TRHDE: variants seen among roughly 807,000 people sequenced by gnomAD.
TRHDE encodes thyrotropin-releasing hormone-degrading ectoenzyme.
Under a neutral mutation model 125.7 loss-of-function variants are expected in TRHDE, and 72 were observed. The observed-to-expected ratio is 0.57, with a 90% CI of 0.47 to 0.70. The LOEUF (loss-of-function observed/expected upper bound fraction) is 0.70, where lower values mean the gene tolerates loss of function less well. Ranked by LOEUF, TRHDE falls within the 30% of genes least tolerant of loss-of-function variation. The pLI is 0.00. For synonymous variants in TRHDE, 509 were observed against 509.1 expected (o/e 1.00, Z 0.00); for missense variants, 1,110 against 1,327.1 (o/e 0.84, Z 2.54).
At chr12:72,427,960 G>A (rs1350502834) in intron 3 of TRHDE, among the ~76,000 whole-genome samples, 1 of 152,174 alleles carries the variant, frequency 6.6e-6, no homozygotes, top group African/African-American at 2.4e-5. Context: ...CTCCAGAAGT[G>A]TAGTAGGTTT....
chr12:72,098,498 G>C (rs1174082952), intron 1 of TRHDE, among the ~76,000 whole-genome samples: 1 of 151,986 alleles, frequency 6.6e-6, no homozygotes, highest in Admixed American at 6.6e-5. Flanking sequence ...ATGTAACTTT[G>C]CTGTTTCTGT....
At chr12:72,643,524 C>T (rs1356769619) in intron 15 of TRHDE, among the ~76,000 whole-genome samples, 2 of 152,104 alleles carry the variant, frequency 1.3e-5, no homozygotes, top group Non-Finnish European at 2.9e-5. Flanking sequence ...CCTTCAGAGA[C>T]CTTCTTTGCC....
intron 15 of TRHDE, among the ~76,000 whole-genome samples, chr12:72,643,444 A>G (rs565340342): frequency 6.6e-6 from 1 of 152,294 alleles, no homozygotes; most frequent in South Asian, 2.1e-4. Flanking sequence ...CATTCAAAGT[A>G]TGCAGTCTTT....
intron 1 of TRHDE, among the ~76,000 whole-genome samples, chr12:72,274,132 AAGAGTGGTTTCC>A (rs1290218688): frequency 1.4e-4 from 21 of 152,232 alleles, no homozygotes; most frequent in Admixed American, 5.9e-4. Flanking sequence ...TCGGAGTGAA[AAGAGTGGTTTCC>A]AGAGATAGGC....
chr12:72,197,598 A>G (rs1877470399), intron 2 of TRHDE, among the ~76,000 whole-genome samples: 1 of 152,128 alleles, frequency 6.6e-6, no homozygotes, highest in Non-Finnish European at 1.5e-5. Context: ...ACTATGGCCC[A>G]TAAGTTCTGG....
Position 72,469,788 on chromosome 12 carries a change from C to T in TRHDE, c.1346C>T (p.Ala449Val), listed in dbSNP as rs775121425. The T allele has an allele frequency of 2.7e-5, 43 of 1,613,860 alleles. No homozygotes were observed. Among genetic ancestry groups the T allele is most frequent in the Non-Finnish European group, 3.6e-5 (43 of 1,179,942 alleles). ...TTAGCTGTGCCTAAGCATCCGTATG[C>T]TGCTATGGAGAACTGGGGACTAAGT... is the stretch of plus-strand genomic sequence containing the variant. ...DLLAVPKHPY[A>V]AMENWGLSIF... Residue 449 changes from alanine to valine, a missense_variant, in exon 4 of 19, where the codon GCT becomes GTT. Physicochemically the swap from Ala to Val is moderately conservative, Grantham distance 64. This residue lies in a region of TRHDE where 252 missense variants were observed against 274.8 expected (regional missense o/e 0.92). Coordinates refer to ENST00000261180, the MANE Select transcript of TRHDE (RefSeq NM_013381.3).
At chr12:72,608,118 A>G (rs1440243093) in intron 12 of TRHDE, among the ~76,000 whole-genome samples, 1 of 152,088 alleles carries the variant, frequency 6.6e-6, no homozygotes, top group African/African-American at 2.4e-5. Flanking sequence ...GAGATGGGCT[A>G]TCTCTGGGTT....
At chr12:72,283,049 T>C (rs1378883149) in intron 1 of TRHDE, among the ~76,000 whole-genome samples, 1 of 152,208 alleles carries the variant, frequency 6.6e-6, no homozygotes, top group African/African-American at 2.4e-5. Flanking sequence ...ATGTAATTTC[T>C]TCTTACATTT....
At chr12:72,250,190 T>G (rs1878650279) in intron 2 of TRHDE, among the ~76,000 whole-genome samples, 1 of 152,200 alleles carries the variant, frequency 6.6e-6, no homozygotes, top group Admixed American at 6.5e-5. Flanking sequence ...ATGGAAATGT[T>G]CTGTTACTTG....
At chr12:72,116,602 T>C (rs1448611244) in intron 2 of TRHDE, among the ~76,000 whole-genome samples, 1 of 152,228 alleles carries the variant, frequency 6.6e-6, no homozygotes, top group African/African-American at 2.4e-5. Context: ...TGCATTTCTC[T>C]AATGACCAGT....
chr12:72,621,418 T>C (rs1049150876), intron 14 of TRHDE: 4 of 579,288 alleles, frequency 6.9e-6, no homozygotes, highest in Admixed American at 6.7e-5. Flanking sequence ...TAATTTAAGA[T>C]CTACCTTTAT....
chr12:72,595,769 T>C (rs1423184889), intron 12 of TRHDE, among the ~76,000 whole-genome samples: 1 of 152,168 alleles, frequency 6.6e-6, no homozygotes, highest in Admixed American at 6.5e-5. Flanking sequence ...CAGAGTTTTA[T>C]TTTGAACATT....
intron 6 of TRHDE, among the ~76,000 whole-genome samples, chr12:72,505,033 A>G (rs1026167395): frequency 2.6e-5 from 4 of 152,162 alleles, no homozygotes; most frequent in African/African-American, 7.2e-5. Context: ...AGCTTTTTAT[A>G]AAGAAATGTA....
intron 15 of TRHDE, among the ~76,000 whole-genome samples, chr12:72,630,352 T>C (rs1873441665): frequency 6.6e-6 from 1 of 151,852 alleles, no homozygotes; most frequent in East Asian, 1.9e-4. Flanking sequence ...GAGTAAGTCA[T>C]GTAAAGACAG....
At chr12:72,459,716 C>T (rs1327616905) in intron 3 of TRHDE, among the ~76,000 whole-genome samples, 1 of 152,030 alleles carries the variant, frequency 6.6e-6, no homozygotes, top group East Asian at 1.9e-4. Flanking sequence ...ACCTCCTGGG[C>T]TCAAGCAATC....
intron 2 of TRHDE, among the ~76,000 whole-genome samples, chr12:72,221,442 C>T (rs1877998224): frequency 1.3e-5 from 2 of 151,900 alleles, no homozygotes; most frequent in African/African-American, 4.8e-5. Flanking sequence ...ATCTTCAGAC[C>T]TTGAAAATTG....
chr12:72,121,079 G>A (rs1021537877), intron 2 of TRHDE, among the ~76,000 whole-genome samples: 4 of 151,992 alleles, frequency 2.6e-5, no homozygotes. Context: ...TAGTCTTTCT[G>A]TTCAAGGTAT....
chr12:72,232,925 T>C (rs1334476266), intron 2 of TRHDE, among the ~76,000 whole-genome samples: 1 of 152,200 alleles, frequency 6.6e-6, no homozygotes, highest in Non-Finnish European at 1.5e-5. Flanking sequence ...TTGTGTATTA[T>C]CTCTCTTAAA....
At chr12:72,439,013 T>C (rs948447459) in intron 3 of TRHDE, among the ~76,000 whole-genome samples, 10 of 151,930 alleles carry the variant, frequency 6.6e-5, no homozygotes, top group African/African-American at 2.4e-4. Context: ...TTTTTTCACA[T>C]GTGAATATCC....
Sources: gnomAD v4.1 joint callset for allele counts (sites outside exome capture counted in the v4.1 genomes callset) on GRCh38, gnomAD v4.1.1 for gene constraint, gnomAD v4.1.1 regional missense constraint, MANE v1.5 for transcripts, NCBI Gene and HGNC (gene_info 2026-07-23, HGNC 2026-07-21) for gene names.